ZFP36L1: variants seen among roughly 807,000 people sequenced by gnomAD.
The protein encoded by ZFP36L1 is ZFP36 like 1 zinc finger CCCH-type, also known as mRNA decay activator protein ZFP36L1.
ZFP36L1 carries 4 observed loss-of-function variants against 16.7 expected under a neutral mutation model. The observed-to-expected ratio is 0.24, with a 90% confidence interval of 0.12 to 0.55. ZFP36L1 has a LOEUF of 0.55. Ranked by LOEUF, ZFP36L1 falls within the 20% of genes least tolerant of loss-of-function variation. The probability of loss-of-function intolerance (pLI) is 0.94; values close to 1 mark genes in which losing one functional copy is unlikely to be tolerated. For synonymous variants in ZFP36L1, 220 were observed against 190.8 expected, an observed-to-expected ratio of 1.15 and a Z score of -1.26; for missense variants, 311 against 449.2, an observed-to-expected ratio of 0.69 and a Z score of 2.78.
At chr14:68,791,365 G>A (rs1432918229) in intron 1 of ZFP36L1, 2 of 457,496 alleles carry the variant, frequency 4.4e-6, no homozygotes, top group Non-Finnish European at 7.7e-6. Flanking sequence ...AGTCAATAGC[G>A]GATTGGGGGT....
At chr14:68,793,635 G>A, upstream of ZFP36L1, 1 of 985,718 alleles carries the variant, frequency 1.0e-6, no homozygotes, top group Non-Finnish European at 1.2e-6. Context: ...TTCCCCAAGT[G>A]TCTGCACAAC....
Position 68,790,341 on chromosome 14 carries a change from C to T in ZFP36L1, c.209G>A (p.Ser70Asn). 6.2e-7 allele frequency: 1 copy of T among 1,612,068 alleles called. No individual in the cohort carries two copies. The highest frequency in any genetic ancestry group is 8.5e-7 in the Non-Finnish European group (1 of 1,179,342). ...AGCGGGGGCTGGCTCACCCTTGAGG[C>T]TGCTGAGGAGCTGGTTCTGGTGGAA... ...SKFHQNQLLS[S>N]LKGEPAPALS... Residue 70 changes from serine (S) to asparagine (N), a missense_variant, in exon 2 of 2, where the codon AGC (serine) becomes AAC (asparagine). Physicochemically the swap from Ser to Asn is conservative, Grantham distance 46. Coordinates refer to ENST00000439696, the MANE Select transcript of ZFP36L1 (RefSeq NM_004926.4).
In ZFP36L1 at chr14:68,788,302, C is replaced by T. The variant is rs907720633; in HGVS notation, c.*1231G>A. 1 of 152,010 alleles carries T rather than the reference C, an allele frequency of 6.6e-6. No homozygotes were observed. The allele number at this position is 152,010 out of a possible 1,614,324, so 9.4% of individuals were successfully genotyped here. A position where few individuals can be genotyped will look rare whatever the true frequency, so the allele number is the denominator to read the frequency against. On this transcript the variant is annotated 3_prime_UTR_variant, in exon 2 of 2. Coordinates refer to ENST00000439696, the MANE Select transcript of ZFP36L1 (RefSeq NM_004926.4). ...GAATATATTCTATGGATTTGTCATCCCGATAAATATGAACAAAATTAACAA... is the reference window on the plus strand; with the variant it reads ...GAATATATTCTATGGATTTGTCATCTCGATAAATATGAACAAAATTAACAA...
At chr14:68,795,764 A>C (rs778810405), upstream of ZFP36L1, 16 of 534,108 alleles carry the variant, frequency 3.0e-5, no homozygotes, top group South Asian at 2.2e-4. Flanking sequence ...TCTATAATTA[A>C]ACTCTTTTTT....
intron 1 of ZFP36L1, chr14:68,791,089 G>A: frequency 1.4e-6 from 1 of 701,382 alleles, no homozygotes. Context: ...TGGGGGCCTG[G>A]TCTGAGGTTG....
Position 68,789,255 on chromosome 14 carries a change from A to C in ZFP36L1, c.*278T>G. 1 of 431,208 alleles carries C rather than the reference A, an allele frequency of 2.3e-6. No homozygotes were observed. Among genetic ancestry groups the C allele is most frequent in the Non-Finnish European group, 4.2e-6 (1 of 240,952 alleles). 26.7% of individuals were successfully genotyped at this position (431,208 alleles called of 1,614,324 possible). On this transcript the variant is annotated 3_prime_UTR_variant, in exon 2 of 2. Coordinates refer to ENST00000439696, the MANE Select transcript of ZFP36L1 (RefSeq NM_004926.4). This position sits in a 1 kb window ranked among gnomAD's most constrained non-coding sequence, Gnocchi z 4.5. The stretch of plus-strand genomic sequence containing the variant: ...AAAAAAAAAGGCATCTACTGACAAA[A>C]TATGGGACTTGTCTGTTATGCATGG...
At chr14:68,793,779 G>A, upstream of ZFP36L1, 1 of 985,416 alleles carries the variant, frequency 1.0e-6, no homozygotes, top group Non-Finnish European at 1.2e-6. Context: ...CCAGCGGGGC[G>A]TAGGGTGGGG....
chr14:68,788,145 T>C lies in ZFP36L1; in HGVS notation c.*1388A>G, dbSNP rs1894962773. On this transcript the variant is annotated 3_prime_UTR_variant, in exon 2 of 2. Coordinates refer to ENST00000439696, the MANE Select transcript of ZFP36L1 (RefSeq NM_004926.4). ...AAATTAATTTTTCATTTTTTTAAAATAAAATAACCAAAAAAGTGTAAAGTT... is the reference window on the plus strand; with the variant it reads ...AAATTAATTTTTCATTTTTTTAAAACAAAATAACCAAAAAAGTGTAAAGTT... The C allele has an allele frequency of 6.6e-6, 1 of 151,358 alleles. No homozygotes were observed. The highest frequency in any genetic ancestry group is 1.5e-5 in the Non-Finnish European group (1 of 67,844). 9.4% of individuals were successfully genotyped at this position (151,358 alleles called of 1,614,324 possible). A position where few individuals can be genotyped will look rare whatever the true frequency, so the allele number is the denominator to read the frequency against.
At chr14:68,795,400 G>GA (rs1175632397), upstream of ZFP36L1, among the ~76,000 whole-genome samples, 1 of 151,688 alleles carries the variant, frequency 6.6e-6, no homozygotes, top group African/African-American at 2.4e-5. Context: ...GGAGGGGCTG[G>GA]AAAAAAGCAA....
Position 68,792,986 on chromosome 14 carries a change from G to A in ZFP36L1, c.-48C>T. On this transcript the variant is annotated 5_prime_UTR_variant, in exon 1 of 2. Transcript: ENST00000439696. ...GGGCGAGGATCTGGTGTGTCGCGAA[G>A]GTCCCGGTGCGGGGAAGGCGCAGCC... 1.2e-6 allele frequency: 2 copies of A among 1,612,146 alleles called. No homozygotes were observed. The highest frequency in any genetic ancestry group is 1.7e-5 in the Admixed American group (1 of 60,012).
intron 1 of ZFP36L1, among the ~76,000 whole-genome samples, chr14:68,792,438 A>G (rs1895110196): frequency 6.6e-6 from 1 of 152,066 alleles, no homozygotes; most frequent in Admixed American, 6.5e-5. Flanking sequence ...CATTGTCCCG[A>G]GACTCACTTC....
At chr14:68,792,562 C>T (rs1594718220) in intron 1 of ZFP36L1, among the ~76,000 whole-genome samples, 1 of 152,234 alleles carries the variant, frequency 6.6e-6, no homozygotes, top group Admixed American at 6.5e-5. Flanking sequence ...CAGCACGTTA[C>T]GTAAAACAGG....
In ZFP36L1 at chr14:68,789,486, T is replaced by A. The variant is rs757981362; in HGVS notation, c.*47A>T. 3.1e-6 allele frequency: 5 copies of A among 1,610,526 alleles called. No homozygotes were observed. The highest frequency in any genetic ancestry group is 4.2e-6 in the Non-Finnish European group (5 of 1,179,156). On this transcript the variant is annotated 3_prime_UTR_variant, in exon 2 of 2. Transcript: ENST00000439696. The surrounding 1 kb of genome is among the most constrained non-coding windows in gnomAD (Gnocchi z 4.5). The stretch of plus-strand genomic sequence containing the variant: ...GGGAGAAGAGGGTATGGGATGTGGG[T>A]GCAGGGTAGGGGCTGGAGTAGGCAG...
At chr14:68,792,617 C>G (rs1344596164) in intron 1 of ZFP36L1, among the ~76,000 whole-genome samples, 1 of 152,164 alleles carries the variant, frequency 6.6e-6, no homozygotes, top group African/African-American at 2.4e-5. Flanking sequence ...CCCGAAGCCC[C>G]CGGGCTGCCC....
At chr14:68,791,366 G>C (rs1196626899) in intron 1 of ZFP36L1, 2 of 457,788 alleles carry the variant, frequency 4.4e-6, no homozygotes, top group Non-Finnish European at 7.7e-6. Flanking sequence ...GTCAATAGCG[G>C]ATTGGGGGTG....
chr14:68,795,564 C>T (rs1486355459), upstream of ZFP36L1, among the ~76,000 whole-genome samples: 1 of 152,170 alleles, frequency 6.6e-6, no homozygotes, highest in Admixed American at 6.5e-5. Context: ...AGAATGGCTA[C>T]AAAGTGGATT....
intron 1 of ZFP36L1, among the ~76,000 whole-genome samples, chr14:68,792,411 C>T (rs896550433): frequency 2.0e-5 from 3 of 152,180 alleles, no homozygotes; most frequent in South Asian, 4.1e-4. Flanking sequence ...CAGCTCCCCC[C>T]AAAGAGTGGA....
Position 68,790,448 on chromosome 14 carries a change from G to C in ZFP36L1, c.102C>G (p.Cys34Trp), listed in dbSNP as rs1895039221. The C allele has an allele frequency of 1.2e-6, 2 of 1,613,968 alleles. No homozygotes were observed. The highest frequency in any genetic ancestry group is 1.7e-6 in the Non-Finnish European group (2 of 1,179,998). Residue 34 changes from cysteine to tryptophan, a missense_variant, in exon 2 of 2, where the codon TGC (cysteine) becomes TGG (tryptophan). By Grantham distance (215) the Cys-to-Trp change is radical. Coordinates refer to ENST00000439696, the MANE Select transcript of ZFP36L1 (RefSeq NM_004926.4). Reference protein sequence around the residue: ...LNYSAPSAGGCLLDRKAVGTP... With the variant: ...LNYSAPSAGGWLLDRKAVGTP... The stretch of plus-strand genomic sequence containing the variant: ...TGCCCACTGCCTTTCTGTCCAGCAG[G>C]CAACCCCCTGCACTGGGAGCACTAT...
At chr14:68,792,312 C>G (rs1895102227) in intron 1 of ZFP36L1, among the ~76,000 whole-genome samples, 1 of 152,184 alleles carries the variant, frequency 6.6e-6, no homozygotes, top group South Asian at 2.1e-4. Flanking sequence ...AGAAGCCCAA[C>G]GGAGCTAGGG....
Sources: allele counts gnomAD v4.1 joint callset (sites outside exome capture counted in the v4.1 genomes callset), GRCh38; gene constraint gnomAD v4.1.1; non-coding constraint Gnocchi (gnomAD v3.1); transcripts MANE v1.5; gene names NCBI Gene and HGNC (gene_info 2026-07-23, HGNC 2026-07-21).